The following PHF24 variants were observed in gnomAD, a reference collection of about 807,000 sequenced individuals.
PHF24 encodes Galpha inhibitory interacting protein.
A neutral mutation model predicts 42.6 loss-of-function variants in PHF24; 25 were observed. That is an observed-to-expected ratio of 0.59 (90% CI 0.43 to 0.82). The LOEUF (loss-of-function observed/expected upper bound fraction) is 0.82, where lower values mean the gene tolerates loss of function less well. PHF24 is among the 40% of genes least tolerant of loss of function. PHF24 has a pLI of 0.00. For missense variants in PHF24, 470 were observed against 538.1 expected, an observed-to-expected ratio of 0.87 and a Z score of 1.25; for synonymous variants, 185 against 204.8, an observed-to-expected ratio of 0.90 and a Z score of 0.83.
At chr9:34,883,878 G>T in the PHF24 span, among the ~76,000 whole-genome samples, 1 of 152,178 alleles carries the variant, frequency 6.6e-6, no homozygotes, top group Non-Finnish European at 1.5e-5. Flanking sequence ...TATACCCAAA[G>T]GATTATAAAT....
At chr9:34,876,636 C>T in the PHF24 span, among the ~76,000 whole-genome samples, 2 of 152,130 alleles carry the variant, frequency 1.3e-5, no homozygotes, top group Admixed American at 1.3e-4. Context: ...CACAATTATA[C>T]ACCATACCAC....
chr9:34,672,254 CTG>C, the PHF24 span, among the ~76,000 whole-genome samples: 6 of 152,126 alleles, frequency 3.9e-5, no homozygotes, highest in East Asian at 9.7e-4. Context: ...TTCCTGGCCA[CTG>C]TGATAGACTG....
At chr9:34,861,738 G>A in the PHF24 span, among the ~76,000 whole-genome samples, 1 of 152,192 alleles carries the variant, frequency 6.6e-6, no homozygotes. Flanking sequence ...TATAAATATA[G>A]AAGGAATTGA....
chr9:34,959,193 G>C (rs1291130744), intron 1 of PHF24, among the ~76,000 whole-genome samples: 1 of 152,184 alleles, frequency 6.6e-6, no homozygotes, highest in Non-Finnish European at 1.5e-5. Context: ...TGAGCCCCTA[G>C]GTTTGACCGT....
chr9:34,690,103 T>C, the PHF24 span: 4 of 1,586,548 alleles, frequency 2.5e-6, no homozygotes, highest in African/African-American at 1.3e-5. Flanking sequence ...GTTTCAGGGA[T>C]TTCCTTGAAG....
At chr9:34,976,369 C>A in intron 4 of PHF24, 139 bp downstream of exon 4, 1 of 966,716 alleles carries the variant, frequency 1.0e-6, no homozygotes, top group Non-Finnish European at 1.6e-6. Flanking sequence ...AGTTGTTGGC[C>A]AGCAGAGTCA....
the PHF24 span, among the ~76,000 whole-genome samples, chr9:34,772,209 C>G: frequency 6.6e-6 from 1 of 152,140 alleles, no homozygotes; most frequent in African/African-American, 2.4e-5. Flanking sequence ...CGCCTAAGAG[C>G]CTTGCTGATG....
the PHF24 span, among the ~76,000 whole-genome samples, chr9:34,826,544 T>G: frequency 6.6e-6 from 1 of 152,222 alleles, no homozygotes; most frequent in East Asian, 1.9e-4. Context: ...CTGCCTGGGC[T>G]GCAGTGAGCA....
the PHF24 span, chr9:34,690,462 GTGTGTGT>G: frequency 1.1e-6 from 1 of 900,468 alleles, no homozygotes; most frequent in Admixed American, 2.3e-5. Context: ...GTGTGTGTGT[GTGTGTGT>G]CTGGTGGGGT....
At chr9:34,794,534 A>G in the PHF24 span, among the ~76,000 whole-genome samples, 1 of 152,226 alleles carries the variant, frequency 6.6e-6, no homozygotes, top group East Asian at 1.9e-4. Context: ...CTGAGAGAGA[A>G]TTAAGGCAGC....
At chr9:34,952,872 G>A (rs1186625204), upstream of PHF24, among the ~76,000 whole-genome samples, 1 of 152,198 alleles carries the variant, frequency 6.6e-6, no homozygotes, top group Non-Finnish European at 1.5e-5. Flanking sequence ...GCCACTCAAT[G>A]AAGAAAGTCT....
chr9:34,904,919 T>C, the PHF24 span, among the ~76,000 whole-genome samples: 3 of 151,734 alleles, frequency 2.0e-5, no homozygotes, highest in African/African-American at 7.3e-5. Context: ...CAGCACTGAC[T>C]GGATTACACA....
At chr9:34,697,469 A>T in the PHF24 span, among the ~76,000 whole-genome samples, 1 of 152,024 alleles carries the variant, frequency 6.6e-6, no homozygotes, top group African/African-American at 2.4e-5. Flanking sequence ...ACAGGCACAT[A>T]CCATCATGCC....
chr9:34,683,842 G>A, the PHF24 span, among the ~76,000 whole-genome samples: 20 of 152,308 alleles, frequency 1.3e-4, no homozygotes, highest in African/African-American at 4.1e-4. Flanking sequence ...TTAGAGGAGG[G>A]CCAGATCAGG....
the PHF24 span, among the ~76,000 whole-genome samples, chr9:34,742,884 T>C: frequency 6.6e-6 from 1 of 152,268 alleles, no homozygotes. Flanking sequence ...GTTCAGGTAT[T>C]GAACTGCTTG....
chr9:34,848,735 T>A, the PHF24 span, among the ~76,000 whole-genome samples: 85 of 152,124 alleles, frequency 5.6e-4, 1 homozygote, highest in East Asian at 0.016. Flanking sequence ...CTTATGGGCA[T>A]TTAGTGCTAT....
the PHF24 span, among the ~76,000 whole-genome samples, chr9:34,822,164 A>G: frequency 6.6e-6 from 1 of 152,208 alleles, no homozygotes; most frequent in South Asian, 2.1e-4. Context: ...AAAATCCATT[A>G]TCTTTTAGAG....
chr9:34,729,466 A>G, the PHF24 span: 1 of 1,524,836 alleles, frequency 6.6e-7, no homozygotes, highest in African/African-American at 1.4e-5. Context: ...CCATCCCTCT[A>G]TCTCGGAATT....
chr9:34,764,286 C>T, the PHF24 span, among the ~76,000 whole-genome samples: 1 of 151,648 alleles, frequency 6.6e-6, no homozygotes, highest in African/African-American at 2.4e-5. Flanking sequence ...CCAGTTCCTC[C>T]TTGTACCTCT....
Sources: gnomAD v4.1 joint callset for allele counts (sites outside exome capture counted in the v4.1 genomes callset) on GRCh38, gnomAD v4.1.1 for gene constraint, MANE v1.5 for transcripts, NCBI Gene and HGNC (gene_info 2026-07-23, HGNC 2026-07-21) for gene names.